AGBL1: variants seen among roughly 807,000 people sequenced by gnomAD.
AGBL1 encodes AGBL carboxypeptidase 1, also known as cytosolic carboxypeptidase 4.
Under a neutral mutation model 118.9 loss-of-function variants are expected in AGBL1, and 130 were observed. The ratio of observed to expected loss-of-function variants is 1.09; its 90% confidence interval spans 0.95 to 1.26. The LOEUF (loss-of-function observed/expected upper bound fraction) is 1.26, where lower values mean the gene tolerates loss of function less well. AGBL1 is among the 50% of genes most tolerant of loss of function. The probability of loss-of-function intolerance (pLI) is 0.00; values close to 1 mark genes in which losing one functional copy is unlikely to be tolerated. For synonymous variants in AGBL1, 555 were observed against 478.9 expected (o/e 1.16, Z -2.08); for missense variants, 1,584 against 1,298.1 (o/e 1.22, Z -3.38).
chr15:86,494,018 G>A (rs1348334355), intron 18 of AGBL1, among the ~76,000 whole-genome samples: 1 of 151,934 alleles, frequency 6.6e-6, no homozygotes, highest in Admixed American at 6.6e-5. Context: ...CCCTTTCGCA[G>A]GCATACTGGT....
chr15:86,197,040 C>T (rs1445031633), intron 5 of AGBL1, among the ~76,000 whole-genome samples: 1 of 152,150 alleles, frequency 6.6e-6, no homozygotes, highest in East Asian at 1.9e-4. Context: ...TGAAAAAACA[C>T]ATTTCTGTTG....
chr15:86,857,568 A>G (rs1008025985), intron 22 of AGBL1, among the ~76,000 whole-genome samples: 1 of 151,994 alleles, frequency 6.6e-6, no homozygotes, highest in Non-Finnish European at 1.5e-5. Flanking sequence ...TTGAATCTCA[A>G]CTCAAAAGTG....
At chr15:86,281,270 G>C (rs1334837407) in intron 16 of AGBL1, among the ~76,000 whole-genome samples, 2 of 152,150 alleles carry the variant, frequency 1.3e-5, no homozygotes, top group Admixed American at 1.3e-4. Context: ...CATAGACCCA[G>C]CTACTTGGGA....
intron 9 of AGBL1, among the ~76,000 whole-genome samples, chr15:86,261,115 C>A (rs996607364): frequency 1.3e-5 from 2 of 152,192 alleles, no homozygotes; most frequent in Non-Finnish European, 2.9e-5. Context: ...AGTTTATTAA[C>A]CCCTGCTCTA....
At chr15:86,426,615 T>C (rs978077083) in intron 18 of AGBL1, among the ~76,000 whole-genome samples, 1 of 152,224 alleles carries the variant, frequency 6.6e-6, no homozygotes. Context: ...AGTTATGCCC[T>C]GCCTAAATGC....
At chr15:86,289,282 C>T (rs147194125) in intron 16 of AGBL1, among the ~76,000 whole-genome samples, 48 of 152,150 alleles carry the variant, frequency 3.2e-4, no homozygotes, top group Non-Finnish European at 4.9e-4. Flanking sequence ...CATGCCTCAC[C>T]GCTGTTGTCT....
chr15:86,882,971 C>T (rs981598427), intron 22 of AGBL1, among the ~76,000 whole-genome samples: 1 of 152,062 alleles, frequency 6.6e-6, no homozygotes, highest in Non-Finnish European at 1.5e-5. Context: ...TGATTCTTGC[C>T]AGAGATGTGA....
chr15:86,324,659 T>C (rs928565748), intron 17 of AGBL1, among the ~76,000 whole-genome samples: 13 of 152,134 alleles, frequency 8.5e-5, no homozygotes, highest in African/African-American at 3.1e-4. Context: ...AGTTAACAAT[T>C]AAGTGAGTAT....
intron 5 of AGBL1, among the ~76,000 whole-genome samples, chr15:86,218,141 T>A (rs2078219992): frequency 1.3e-5 from 2 of 152,194 alleles, no homozygotes; most frequent in Non-Finnish European, 2.9e-5. Flanking sequence ...GAAATTACAT[T>A]TCTCATTAAA....
chr15:86,163,940 A>G (rs2077301907), intron 5 of AGBL1, among the ~76,000 whole-genome samples: 1 of 152,180 alleles, frequency 6.6e-6, no homozygotes, highest in Admixed American at 6.5e-5. Context: ...TGTCTGAAAC[A>G]TCAGTTGGCA....
At chr15:86,257,665 A>T (rs1427754077) in intron 8 of AGBL1, among the ~76,000 whole-genome samples, 2 of 152,184 alleles carry the variant, frequency 1.3e-5, no homozygotes, top group African/African-American at 4.8e-5. Context: ...TTGCATAAAT[A>T]CCTCTAACTT....
At chr15:86,832,269 C>T (rs1354088516) in intron 22 of AGBL1, among the ~76,000 whole-genome samples, 3 of 152,198 alleles carry the variant, frequency 2.0e-5, no homozygotes, top group Non-Finnish European at 4.4e-5. Context: ...CTCTTCGTTA[C>T]TTATGCAAAT....
At chr15:86,350,992 A>T (rs1269843414) in intron 17 of AGBL1, among the ~76,000 whole-genome samples, 2 of 152,266 alleles carry the variant, frequency 1.3e-5, no homozygotes, top group East Asian at 3.8e-4. Flanking sequence ...ATCAGAGACC[A>T]GAATCAGGGT....
chr15:86,974,718 G>A (rs1403736984), intron 23 of AGBL1, among the ~76,000 whole-genome samples: 3 of 150,926 alleles, frequency 2.0e-5, no homozygotes, highest in African/African-American at 7.3e-5. Context: ...GAGAGGACAT[G>A]AGCAATACTA....
intron 22 of AGBL1, among the ~76,000 whole-genome samples, chr15:86,846,759 T>G (rs890805149): frequency 6.6e-6 from 1 of 152,234 alleles, no homozygotes; most frequent in Non-Finnish European, 1.5e-5. Flanking sequence ...CTCGAACTCC[T>G]GACCTCAAGT....
chr15:86,119,658 TG>T (rs1243031320), intron 1 of AGBL1, among the ~76,000 whole-genome samples: 4 of 41,608 alleles, frequency 9.6e-5, no homozygotes, highest in Non-Finnish European at 1.9e-4. Flanking sequence ...AAGTAGTTTG[TG>T]TGTGTGTGTG....
At chr15:86,461,180 C>A (rs1260442241) in intron 18 of AGBL1, among the ~76,000 whole-genome samples, 1 of 152,110 alleles carries the variant, frequency 6.6e-6, no homozygotes, top group African/African-American at 2.4e-5. Context: ...GCCCCAGCTG[C>A]CTCTACCATG....
At chr15:86,945,398 T>G (rs1427117380) in intron 23 of AGBL1, among the ~76,000 whole-genome samples, 2 of 152,070 alleles carry the variant, frequency 1.3e-5, no homozygotes, top group Non-Finnish European at 2.9e-5. Context: ...CCGGGCACAG[T>G]GGCTCACATC....
chr15:86,717,897 G>A (rs1452523871), intron 22 of AGBL1, among the ~76,000 whole-genome samples: 2 of 152,082 alleles, frequency 1.3e-5, no homozygotes, highest in East Asian at 3.9e-4. Flanking sequence ...GACCAACATG[G>A]TGAAACCCCG....
Sources: gnomAD v4.1 joint callset for allele counts (sites outside exome capture counted in the v4.1 genomes callset) on GRCh38, gnomAD v4.1.1 for gene constraint, MANE v1.5 for transcripts, NCBI Gene and HGNC (gene_info 2026-07-23, HGNC 2026-07-21) for gene names.